The following TMEM132D variants were observed in gnomAD, a reference collection of about 807,000 sequenced individuals.
The protein encoded by TMEM132D is transmembrane protein 132D, also known as mature OL transmembrane protein.
In TMEM132D, 21 loss-of-function variants were observed where a neutral mutation model predicts 62.3. That is an observed-to-expected ratio of 0.34 (90% CI 0.24 to 0.49). The LOEUF (loss-of-function observed/expected upper bound fraction) is 0.49, where lower values mean the gene tolerates loss of function less well. Among genes scored for constraint, TMEM132D ranks in the 20% least tolerant of loss-of-function variants. The probability of loss-of-function intolerance (pLI) is 0.99; values close to 1 mark genes in which losing one functional copy is unlikely to be tolerated. For synonymous variants in TMEM132D, 621 were observed against 575.6 expected, an observed-to-expected ratio of 1.08 and a Z score of -1.13; for missense variants, 1,346 against 1,402.8, an observed-to-expected ratio of 0.96 and a Z score of 0.65.
chr12:129,558,933 GTCA>G (rs1216269137), intron 2 of TMEM132D, among the ~76,000 whole-genome samples: 1 of 152,148 alleles, frequency 6.6e-6, no homozygotes, highest in Non-Finnish European at 1.5e-5. Flanking sequence ...ACAGTAATCC[GTCA>G]TCAAGAGTGA....
At chr12:129,377,196 G>A (rs542809327) in intron 3 of TMEM132D, among the ~76,000 whole-genome samples, 7 of 152,236 alleles carry the variant, frequency 4.6e-5, no homozygotes, top group East Asian at 1.9e-4. Flanking sequence ...TGAAGGCATC[G>A]GGAGAAGGCA....
intron 1 of TMEM132D, among the ~76,000 whole-genome samples, chr12:129,835,937 G>T (rs1674487999): frequency 6.6e-6 from 1 of 152,200 alleles, no homozygotes; most frequent in Non-Finnish European, 1.5e-5. Flanking sequence ...ACAACTCCCA[G>T]ATGCTCAAGC....
At chr12:129,312,286 T>G (rs993472965) in intron 4 of TMEM132D, among the ~76,000 whole-genome samples, 5 of 152,066 alleles carry the variant, frequency 3.3e-5, no homozygotes, top group African/African-American at 1.2e-4. Context: ...AGGAACTGGA[T>G]GGAGTGAGGG....
At chr12:129,313,224 G>A (rs1427663092) in intron 4 of TMEM132D, among the ~76,000 whole-genome samples, 1 of 152,098 alleles carries the variant, frequency 6.6e-6, no homozygotes, top group African/African-American at 2.4e-5. Flanking sequence ...GGTTACATGA[G>A]TTAGTTCTTT....
At chr12:129,506,070 T>C (rs1875320459) in intron 3 of TMEM132D, among the ~76,000 whole-genome samples, 1 of 152,248 alleles carries the variant, frequency 6.6e-6, no homozygotes, top group African/African-American at 2.4e-5. Context: ...TCATGCTATT[T>C]GTTGCCTGAA....
At chr12:129,831,307 G>A (rs1593179257) in intron 1 of TMEM132D, among the ~76,000 whole-genome samples, 1 of 152,236 alleles carries the variant, frequency 6.6e-6, no homozygotes, top group East Asian at 1.9e-4. Context: ...CAAGGCTGGA[G>A]TCAGGGTAGA....
intron 4 of TMEM132D, among the ~76,000 whole-genome samples, chr12:129,239,939 CTAG>C (rs1879891010): frequency 6.6e-6 from 1 of 152,126 alleles, no homozygotes; most frequent in Non-Finnish European, 1.5e-5. Flanking sequence ...GGTTCTGGGC[CTAG>C]ATGTTCACTC....
At chr12:129,404,082 AAC>A (rs1297977204) in intron 3 of TMEM132D, among the ~76,000 whole-genome samples, 3 of 152,204 alleles carry the variant, frequency 2.0e-5, no homozygotes, top group Non-Finnish European at 4.4e-5. Context: ...TTACTTGAGT[AAC>A]ACAGGATGGG....
intron 5 of TMEM132D, among the ~76,000 whole-genome samples, chr12:129,127,989 T>C (rs1280074598): frequency 6.6e-6 from 1 of 152,192 alleles, no homozygotes; most frequent in African/African-American, 2.4e-5. Context: ...CGTGACCAAC[T>C]GTCCTACGTT....
intron 5 of TMEM132D, among the ~76,000 whole-genome samples, chr12:129,122,127 C>A (rs970579505): frequency 6.6e-6 from 1 of 152,126 alleles, no homozygotes; most frequent in Non-Finnish European, 1.5e-5. Flanking sequence ...TGTGGCTGTC[C>A]CTAAGTTTAG....
rs193197121 is a variant in TMEM132D, at chr12:129,415,695, A to G, written c.1116-77878T>C. Reference sequence around the variant, plus strand: ...GTGCCACAGAAACACCTCCTCTGCAATGATGTTGTCTATCTCGGTTTCCAG... The same window carrying G: ...GTGCCACAGAAACACCTCCTCTGCAGTGATGTTGTCTATCTCGGTTTCCAG... On this transcript the variant is annotated intron_variant, in intron 3 of 8. Coordinates refer to ENST00000422113, the MANE Select transcript of TMEM132D (RefSeq NM_133448.3). Among the ~76,000 whole-genome samples the G allele has an allele frequency of 5.3e-4, 81 of 152,310 alleles. 1 individual carries two copies. The highest frequency in any genetic ancestry group is 3.8e-4 in the Non-Finnish European group (26 of 68,014).
At chr12:129,164,802 G>A (rs1877493007) in intron 5 of TMEM132D, among the ~76,000 whole-genome samples, 1 of 152,108 alleles carries the variant, frequency 6.6e-6, no homozygotes, top group African/African-American at 2.4e-5. Context: ...TATCTCCCTT[G>A]ACACATAGGG....
intron 1 of TMEM132D, among the ~76,000 whole-genome samples, chr12:129,824,355 A>G (rs1872606712): frequency 6.6e-6 from 1 of 152,168 alleles, no homozygotes; most frequent in Non-Finnish European, 1.5e-5. Flanking sequence ...TATGGCTAGG[A>G]AGACTCAGTC....
At chr12:129,549,634 AGTCGCAG>A (rs1876836920) in intron 2 of TMEM132D, among the ~76,000 whole-genome samples, 1 of 152,188 alleles carries the variant, frequency 6.6e-6, no homozygotes, top group African/African-American at 2.4e-5. Context: ...TAAATTACCC[AGTCGCAG>A]GTATGTCTTT....
intron 5 of TMEM132D, among the ~76,000 whole-genome samples, chr12:129,119,001 C>T (rs564717549): frequency 3.3e-5 from 5 of 152,300 alleles, no homozygotes; most frequent in Admixed American, 6.5e-5. Context: ...TACCTGCCCC[C>T]GGAACAGCCT....
At chr12:129,420,375 T>A (rs1283341627) in intron 3 of TMEM132D, among the ~76,000 whole-genome samples, 1 of 145,672 alleles carries the variant, frequency 6.9e-6, no homozygotes, top group African/African-American at 2.6e-5. Context: ...CTGTCAATCA[T>A]CTTTCCTACA....
chr12:129,841,380 T>C (rs1048605806), intron 1 of TMEM132D, among the ~76,000 whole-genome samples: 10 of 152,222 alleles, frequency 6.6e-5, no homozygotes, highest in African/African-American at 2.4e-4. Flanking sequence ...TCTAATTAGA[T>C]TGAATGAGTT....
chr12:129,350,075 A>G (rs776860253), intron 3 of TMEM132D, among the ~76,000 whole-genome samples: 1 of 152,196 alleles, frequency 6.6e-6, no homozygotes, highest in Non-Finnish European at 1.5e-5. Context: ...AGTGGTCCCT[A>G]AGGGAAATCT....
At chr12:129,187,410 G>T (rs1386210) in intron 5 of TMEM132D, among the ~76,000 whole-genome samples, 42,105 of 152,116 alleles carry the variant, frequency 0.28, 6,626 homozygotes, top group East Asian at 0.54. Context: ...CAAGAACTTG[G>T]AGATAAGGTG....
Sources: allele counts gnomAD v4.1 joint callset (sites outside exome capture counted in the v4.1 genomes callset), GRCh38; gene constraint gnomAD v4.1.1; transcripts MANE v1.5; gene names NCBI Gene and HGNC (gene_info 2026-07-23, HGNC 2026-07-21).